Variants in RELN observed in about 807,000 individuals in gnomAD.
The protein encoded by RELN is reelin.
RELN carries 108 observed loss-of-function variants against 427.6 expected under a neutral mutation model. The observed-to-expected ratio is 0.25, with a 90% CI of 0.22 to 0.30. The LOEUF is 0.30. RELN is among the 10% of genes least tolerant of loss of function. RELN has a pLI of 1.00. For missense variants in RELN, 3,715 were observed against 4,302.8 expected, an observed-to-expected ratio of 0.86 and a Z score of 3.82; for synonymous variants, 1,524 against 1,513.4, an observed-to-expected ratio of 1.01 and a Z score of -0.16.
rs368098458 is a variant in RELN, at chr7:103,824,627, A to AGTGT, written c.473+8906_473+8909dup. On this transcript the variant is annotated intron_variant, in intron 3 of 64. Transcript: ENST00000428762. The surrounding 1 kb of genome is among the most constrained non-coding windows in gnomAD (Gnocchi z 4.4). ...GTGTTTTCACTTTCTTTCAAAACAG[A>AGTGT]GTGTGTGTGTGTGTGTGTGTGTGTG... 0.044 allele frequency among the ~76,000 whole-genome samples: 5,755 copies of AGTGT among 130,814 alleles called. 155 individuals are homozygous for AGTGT. The highest frequency in any genetic ancestry group is 0.067 in the African/African-American group (2,274 of 34,006). The allele number at this position is 130,814 out of a possible 152,430, so 85.8% of individuals were successfully genotyped here.
chr7:103,719,192 G>A (rs1790013759), intron 8 of RELN, among the ~76,000 whole-genome samples: 1 of 152,128 alleles, frequency 6.6e-6, no homozygotes, highest in Non-Finnish European at 1.5e-5. Flanking sequence ...TCAGATAGAT[G>A]CAACTTTATC....
At chr7:103,494,393 G>GTGTGTGTGTGTGTGTGTGTGTGT (rs60783765) in intron 57 of RELN, among the ~76,000 whole-genome samples, 25 of 150,964 alleles carry the variant, frequency 1.7e-4, no homozygotes, top group Admixed American at 3.9e-4. Flanking sequence ...GTGTGTGTGT[G>GTGTGTGTGTGTGTGTGTGTGTGT]GGATATGGTC....
intron 3 of RELN, among the ~76,000 whole-genome samples, chr7:103,780,941 C>T (rs1227892363): frequency 2.6e-5 from 4 of 152,218 alleles, no homozygotes; most frequent in African/African-American, 7.2e-5. Flanking sequence ...AGCCATGCTG[C>T]TGCCCAAACC....
At chr7:103,703,943 AG>A (rs1350281446) in intron 8 of RELN, among the ~76,000 whole-genome samples, 2 of 152,214 alleles carry the variant, frequency 1.3e-5, no homozygotes, top group Non-Finnish European at 2.9e-5. Flanking sequence ...AAAGTGACTA[AG>A]GGTTTCTAAG....
intron 2 of RELN, among the ~76,000 whole-genome samples, chr7:103,908,018 A>G (rs1322342970): frequency 6.6e-6 from 1 of 151,978 alleles, no homozygotes; most frequent in Non-Finnish European, 1.5e-5. Context: ...ATGTGTTCTC[A>G]TTGTTCAACT....
chr7:103,650,432 T>C, intron 15 of RELN, 49 bp from the exon 16 acceptor site: 1 of 1,118,168 alleles, frequency 8.9e-7, no homozygotes. Context: ...GTTCATATCT[T>C]TAGAATCTAT....
intron 1 of RELN, among the ~76,000 whole-genome samples, chr7:103,952,137 T>C (rs1397141794): frequency 2.0e-5 from 3 of 152,248 alleles, no homozygotes; most frequent in East Asian, 3.8e-4. Flanking sequence ...TATTTATTGC[T>C]TTTTAGAGCT....
intron 27 of RELN, among the ~76,000 whole-genome samples, 154 bp from the exon 28 acceptor site, chr7:103,589,982 A>G (rs927012416): frequency 6.6e-6 from 1 of 151,862 alleles, no homozygotes; most frequent in Non-Finnish European, 1.5e-5. Flanking sequence ...AAGACCCTTC[A>G]ATAGATTCTG....
intron 63 of RELN, among the ~76,000 whole-genome samples, chr7:103,479,026 G>A (rs966313433): frequency 5.9e-5 from 9 of 152,138 alleles, no homozygotes. Flanking sequence ...CGTAAATGTG[G>A]TATTAATTCA....
At chr7:103,609,118 G>A (rs538425183) in intron 22 of RELN, among the ~76,000 whole-genome samples, 46 of 151,682 alleles carry the variant, frequency 3.0e-4, no homozygotes, top group African/African-American at 9.7e-4. Flanking sequence ...AGCTGCTTGG[G>A]AGGCTGAGGC....
chr7:103,605,909 G>C (rs1423602254), intron 22 of RELN, among the ~76,000 whole-genome samples: 1 of 152,178 alleles, frequency 6.6e-6, no homozygotes, highest in African/African-American at 2.4e-5. Context: ...AGTAGACACA[G>C]GGTTGCTGCA....
At position 103,652,532 on chromosome 7, in the gene RELN, AC is replaced by A; in HGVS notation, c.1763+18del. The A allele has an allele frequency of 1.2e-6, 2 of 1,604,538 alleles. No homozygotes were observed. The highest frequency in any genetic ancestry group is 1.7e-6 in the Non-Finnish European group (2 of 1,172,000). ...AACTCATTTTTAGTTTTGCACACTTACAAAATAGGGCTTCCTACCTGTTACC... is the reference window on the plus strand; with the variant it reads ...AACTCATTTTTAGTTTTGCACACTTAAAAATAGGGCTTCCTACCTGTTACC... On this transcript the variant is annotated intron_variant, in intron 14 of 64. Transcript: ENST00000428762.
At chr7:103,574,847 A>G (rs1215403210) in intron 29 of RELN, among the ~76,000 whole-genome samples, 1 of 152,174 alleles carries the variant, frequency 6.6e-6, no homozygotes, top group African/African-American at 2.4e-5. Flanking sequence ...GAAGCTTATA[A>G]TATTTTCTCC....
At chr7:103,641,196 C>T (rs571804449) in intron 16 of RELN, among the ~76,000 whole-genome samples, 1 of 152,208 alleles carries the variant, frequency 6.6e-6, no homozygotes, top group African/African-American at 2.4e-5. Flanking sequence ...TGTTAATCAG[C>T]AAAATTAACA....
chr7:103,976,252 A>G (rs1796877252), intron 1 of RELN, among the ~76,000 whole-genome samples: 1 of 152,212 alleles, frequency 6.6e-6, no homozygotes, highest in African/African-American at 2.4e-5. Context: ...CTGGACGGAC[A>G]CTGGGAAAAC....
intron 22 of RELN, among the ~76,000 whole-genome samples, chr7:103,609,222 CAAA>C (rs11342938): frequency 0.024 from 2,919 of 120,680 alleles, 76 homozygotes; most frequent in African/African-American, 0.071. Flanking sequence ...GACTCTGTCT[CAAA>C]AAAAAAAAAA....
chr7:103,547,169 TTTC>T (rs1830315892), intron 41 of RELN, among the ~76,000 whole-genome samples: 1 of 152,252 alleles, frequency 6.6e-6, no homozygotes, highest in Non-Finnish European at 1.5e-5. Flanking sequence ...TCTGAATAGT[TTTC>T]TGTTTGAGAA....
At chr7:103,932,307 G>A (rs538071593) in intron 1 of RELN, among the ~76,000 whole-genome samples, 40 of 152,288 alleles carry the variant, frequency 2.6e-4, no homozygotes, top group African/African-American at 9.1e-4. Flanking sequence ...AATACTGTGT[G>A]TTTTGACTTA....
At chr7:103,556,660 C>CTT (rs1172525485) in intron 38 of RELN, among the ~76,000 whole-genome samples, 2 of 152,160 alleles carry the variant, frequency 1.3e-5, no homozygotes, top group African/African-American at 4.8e-5. Flanking sequence ...CAGGGGTTTC[C>CTT]ACTTTTGCAT....
Sources: allele counts gnomAD v4.1 joint callset (sites outside exome capture counted in the v4.1 genomes callset), GRCh38; gene constraint gnomAD v4.1.1; non-coding constraint Gnocchi (gnomAD v3.1); transcripts MANE v1.5; gene names NCBI Gene and HGNC (gene_info 2026-07-23, HGNC 2026-07-21).